SLIT1: variants seen among roughly 807,000 people sequenced by gnomAD.
The protein encoded by SLIT1 is slit guidance ligand 1.
In SLIT1, 66 loss-of-function variants were observed where a neutral mutation model predicts 186.1. That is an observed-to-expected ratio of 0.35 (90% CI 0.29 to 0.44). The LOEUF is 0.44. SLIT1 is among the 20% of genes least tolerant of loss of function. The probability of loss-of-function intolerance (pLI) is 1.00; values close to 1 mark genes in which losing one functional copy is unlikely to be tolerated. For missense variants in SLIT1, 1,638 were observed against 2,037.4 expected, an observed-to-expected ratio of 0.80 and a Z score of 3.77; for synonymous variants, 761 against 833.8, an observed-to-expected ratio of 0.91 and a Z score of 1.50.
In SLIT1 at chr10:97,019,102, G is replaced by A; in HGVS notation, c.2752C>T (p.Pro918Ser). The A allele has an allele frequency of 6.2e-7, 1 of 1,611,430 alleles. No homozygotes were observed. The highest frequency in any genetic ancestry group is 8.5e-7 in the Non-Finnish European group (1 of 1,177,728). The change falls in exon 27 of 37, where the codon CCA becomes TCA. Residue 918 changes from proline to serine, a missense_variant. Coordinates refer to ENST00000266058, the MANE Select transcript of SLIT1 (RefSeq NM_003061.3). ...PAKKFECQGP[P>S]TLAVQAKCDL... ...CACTTGGCCTGGACAGCCAGCGTTG[G>A]AGGACCTGCAGCAAGGGGAGGGTGC...
intron 34 of SLIT1, among the ~76,000 whole-genome samples, 185 bp downstream of exon 34, chr10:97,003,883 G>A (rs529836086): frequency 6.4e-4 from 97 of 152,334 alleles, no homozygotes; most frequent in African/African-American, 2.2e-3. Flanking sequence ...ATCCTCCTTG[G>A]TCAGTCTGGG....
intron 4 of SLIT1, among the ~76,000 whole-genome samples, chr10:97,137,283 T>C (rs1426506372): frequency 6.6e-6 from 1 of 152,206 alleles, no homozygotes; most frequent in Non-Finnish European, 1.5e-5. Flanking sequence ...GAATTCCACA[T>C]GCTTGATATC....
intron 4 of SLIT1, among the ~76,000 whole-genome samples, chr10:97,124,833 G>A (rs1327815564): frequency 6.6e-6 from 1 of 152,204 alleles, no homozygotes. Flanking sequence ...CTTACCCGCT[G>A]TGCGACCCAA....
chr10:97,012,075 T>TACACACACAC (rs35171328), intron 30 of SLIT1, among the ~76,000 whole-genome samples: 31 of 130,920 alleles, frequency 2.4e-4, no homozygotes, highest in African/African-American at 3.2e-4. Flanking sequence ...TCAAGCCCAG[T>TACACACACAC]ACACACACAC....
chr10:97,052,111 T>G (rs1490373407), intron 13 of SLIT1, among the ~76,000 whole-genome samples: 6 of 150,776 alleles, frequency 4.0e-5, no homozygotes, highest in African/African-American at 9.7e-5. Context: ...TTTGTTTTTT[T>G]TTTTTTTGGA....
intron 25 of SLIT1, among the ~76,000 whole-genome samples, 182 bp downstream of exon 25, chr10:97,030,575 A>G (rs910468366): frequency 6.6e-5 from 10 of 152,196 alleles, no homozygotes; most frequent in African/African-American, 2.2e-4. Flanking sequence ...CTTCTACTCT[A>G]TTGCTGTGGC....
intron 1 of SLIT1, among the ~76,000 whole-genome samples, chr10:97,175,606 C>A (rs1850246372): frequency 6.6e-6 from 1 of 152,154 alleles, no homozygotes; most frequent in Admixed American, 6.5e-5. Flanking sequence ...AGCTCTTAAT[C>A]CCAACTCCAT....
At chr10:97,058,078 G>A in intron 11 of SLIT1, 1 of 717,366 alleles carries the variant, frequency 1.4e-6, no homozygotes, top group Non-Finnish European at 2.6e-6. Flanking sequence ...TGCCTGTCGT[G>A]TGTGGACAGG....
intron 6 of SLIT1, among the ~76,000 whole-genome samples, 177 bp downstream of exon 6, chr10:97,064,628 A>G (rs1848926948): frequency 6.6e-6 from 1 of 152,154 alleles, no homozygotes; most frequent in South Asian, 2.1e-4. Context: ...ACTGGGGCAC[A>G]CTACTTGCTG....
At position 97,104,623 on chromosome 10, in the gene SLIT1, C is replaced by G. The variant is rs576431820; in HGVS notation, c.414-38537G>C. 2.0e-5 allele frequency among the ~76,000 whole-genome samples: 3 copies of G among 152,162 alleles called. No individual in the cohort carries two copies. The East Asian group carries it at 5.8e-4, about 29-fold the overall frequency. On this transcript the variant is annotated intron_variant, in intron 4 of 36. Transcript: ENST00000266058. ...CACTCTTGGATGCAAGCCCCTGTAA[C>G]AAGGCCCAATCCACACCTCCAGCCC...
intron 4 of SLIT1, among the ~76,000 whole-genome samples, chr10:97,076,162 G>A (rs1050226645): frequency 6.6e-6 from 1 of 152,182 alleles, no homozygotes; most frequent in Non-Finnish European, 1.5e-5. Context: ...TGAGGGCACG[G>A]GTGAGGAGCA....
At position 97,002,269 on chromosome 10, in the gene SLIT1, C is replaced by T. The variant is rs776271349; in HGVS notation, c.4255G>A (p.Ala1419Thr). The change falls in exon 36 of 37, where the codon GCA (alanine) becomes ACA (threonine). Residue 1419 changes from alanine (A) to threonine (T), a missense_variant. Ala to Thr is a moderately conservative substitution (Grantham distance 58, BLOSUM62 0). This residue lies in a region of SLIT1 where 220 missense variants were observed against 211.3 expected (regional missense o/e 1.04). Coordinates refer to ENST00000266058, the MANE Select transcript of SLIT1 (RefSeq NM_003061.3). ...GALCNQAGAL[A>T]EPCRGLQCLH... ...CACTGCAGGCCTCTGCAGGGCTCTG[C>T]CAGGGCCCCGGCCTGGTTGCACAGT... The T allele has an allele frequency of 3.7e-5, 59 of 1,606,738 alleles. No homozygotes were observed. Among genetic ancestry groups the T allele is most frequent in the South Asian group, 2.0e-4 (18 of 89,932 alleles).
intron 31 of SLIT1, among the ~76,000 whole-genome samples, chr10:97,008,656 A>G (rs147770341): frequency 0.032 from 4,787 of 150,794 alleles, 108 homozygotes; most frequent in Non-Finnish European, 0.043. Flanking sequence ...AGATTGTGAC[A>G]TTGCACTCCA....
chr10:97,018,397 GCTTGGCCTGGTGGGCTTGGAGAGCC>G (rs1233282870), intron 28 of SLIT1, among the ~76,000 whole-genome samples, 164 bp downstream of exon 28: 1 of 152,224 alleles, frequency 6.6e-6, no homozygotes, highest in African/African-American at 2.4e-5. Context: ...GCAAGGAAGG[GCTTGGCCTGGTGGGCTTGGAGAGCC>G]CTCTGGCTAT....
chr10:97,097,588 T>A (rs1849305140), intron 4 of SLIT1, among the ~76,000 whole-genome samples: 1 of 152,186 alleles, frequency 6.6e-6, no homozygotes, highest in Non-Finnish European at 1.5e-5. Flanking sequence ...CGTCTTGCCT[T>A]CCCTATGTGG....
At chr10:97,128,952 T>C (rs1849628333) in intron 4 of SLIT1, among the ~76,000 whole-genome samples, 1 of 152,008 alleles carries the variant, frequency 6.6e-6, no homozygotes, top group South Asian at 2.1e-4. Flanking sequence ...GAAAGAAAAG[T>C]TAGCTATTTT....
chr10:97,095,799 C>T (rs958182015), intron 4 of SLIT1, among the ~76,000 whole-genome samples: 1 of 152,164 alleles, frequency 6.6e-6, no homozygotes, highest in African/African-American at 2.4e-5. Context: ...CGACCCTCTG[C>T]CACTCTGGAA....
intron 20 of SLIT1, among the ~76,000 whole-genome samples, chr10:97,041,097 G>A (rs1332373307): frequency 6.6e-6 from 1 of 152,160 alleles, no homozygotes; most frequent in Non-Finnish European, 1.5e-5. Context: ...TGCTCGATTG[G>A]CCACCAGGCT....
Position 97,037,625 on chromosome 10 carries a change from A to G in SLIT1, c.2366+73T>C. 3.3e-6 allele frequency: 4 copies of G among 1,197,016 alleles called. No individual in the cohort carries two copies. In the East Asian group the frequency reaches 9.5e-5, roughly 28 times the overall value. The allele number at this position is 1,197,016 out of a possible 1,614,324, so 74.1% of individuals were successfully genotyped here. A position where few individuals can be genotyped will look rare whatever the true frequency, so the allele number is the denominator to read the frequency against. ...TGCCCAGAAGTGAGGTCCGTAGGAAATTCCAGGAAAGCCGGAGTCCTGATG... is the reference window on the plus strand; with the variant it reads ...TGCCCAGAAGTGAGGTCCGTAGGAAGTTCCAGGAAAGCCGGAGTCCTGATG... On this transcript the variant is annotated intron_variant, in intron 22 of 36. Coordinates refer to ENST00000266058, the MANE Select transcript of SLIT1 (RefSeq NM_003061.3).
Sources: gnomAD v4.1 joint callset for allele counts (sites outside exome capture counted in the v4.1 genomes callset) on GRCh38, gnomAD v4.1.1 for gene constraint, gnomAD v4.1.1 regional missense constraint, MANE v1.5 for transcripts, NCBI Gene and HGNC (gene_info 2026-07-23, HGNC 2026-07-21) for gene names.